LYPD6B: variants seen among roughly 807,000 people sequenced by gnomAD.
LYPD6B encodes the protein ly6/PLAUR domain-containing protein 6B.
LYPD6B carries 17 observed loss-of-function variants against 22.8 expected under a neutral mutation model. The ratio of observed to expected loss-of-function variants is 0.75; its 90% CI spans 0.51 to 1.12. LYPD6B has a LOEUF of 1.12. LYPD6B is among the 50% of genes most tolerant of loss of function. The pLI, the probability that LYPD6B is intolerant of heterozygous loss-of-function variation, is 0.00. For synonymous variants in LYPD6B, 106 were observed against 91.6 expected, an observed-to-expected ratio of 1.16 and a Z score of -0.90; for missense variants, 221 against 258.3, an observed-to-expected ratio of 0.86 and a Z score of 0.99.
intron 3 of LYPD6B, chr2:149,187,478 G>A (rs1218376472): frequency 1.3e-6 from 2 of 1,518,462 alleles, no homozygotes; most frequent in Non-Finnish European, 1.8e-6. Flanking sequence ...ACCAAACAAA[G>A]GAAATGCAGA....
rs563680142 is a variant in LYPD6B at position 149,212,242 on chromosome 2, C to T, written c.329-750C>T. On this transcript the variant is annotated intron_variant, in intron 5 of 6. Coordinates refer to ENST00000409642, the MANE Select transcript of LYPD6B (RefSeq NM_177964.5). The stretch of plus-strand genomic sequence containing the variant: ...AATCAAAAAAAAAAAATTAGCCAGG[C>T]GTGGTGGCGGGTGCCTGTAGTCCCA... Among the ~76,000 whole-genome samples the T allele has an allele frequency of 2.7e-3, 413 of 150,956 alleles. 3 individuals are homozygous for T. The highest frequency in any genetic ancestry group is 9.8e-3 in the African/African-American group (402 of 41,172).
intron 1 of LYPD6B, among the ~76,000 whole-genome samples, chr2:149,125,802 T>C (rs949387133): frequency 1.3e-5 from 2 of 152,218 alleles, no homozygotes; most frequent in Admixed American, 1.3e-4. Flanking sequence ...TACCTACCTA[T>C]ATACCAACTT....
intron 1 of LYPD6B, among the ~76,000 whole-genome samples, chr2:149,057,070 A>G (rs924798135): frequency 2.0e-5 from 3 of 152,234 alleles, no homozygotes; most frequent in Non-Finnish European, 4.4e-5. Flanking sequence ...GAGTGAAAGT[A>G]AAGCAATTAC....
chr2:149,091,194 A>G (rs1221188830), intron 1 of LYPD6B, among the ~76,000 whole-genome samples: 1 of 151,980 alleles, frequency 6.6e-6, no homozygotes, highest in Non-Finnish European at 1.5e-5. Context: ...TGTTTATTCT[A>G]TTTTGTTGCT....
In LYPD6B at chr2:149,208,209, T is replaced by C. The variant is rs1057146629; in HGVS notation, c.230-105T>C. ...CAGTAATTGTAAGGATGAAAGCTTA[T>C]AAGTTTTGTTTCATCTGTTAAAGTT... On this transcript the variant is annotated intron_variant, in intron 4 of 6. Transcript: ENST00000409642. 5.5e-6 allele frequency: 4 copies of C among 725,146 alleles called. No homozygotes were observed. The African/African-American group carries it at 7.0e-5, about 13-fold the overall frequency. 44.9% of individuals were successfully genotyped at this position (725,146 alleles called of 1,614,324 possible). A position where few individuals can be genotyped will look rare whatever the true frequency, so the allele number is the denominator to read the frequency against.
chr2:149,137,166 T>C (rs1166910026), intron 2 of LYPD6B, among the ~76,000 whole-genome samples: 3 of 152,332 alleles, frequency 2.0e-5, no homozygotes, highest in Admixed American at 1.3e-4. Context: ...TGAACTCTTA[T>C]AGTAATCCTG....
Position 149,214,670 on chromosome 2 carries a change from T to A in LYPD6B, c.584T>A (p.Leu195Gln), listed in dbSNP as rs1200980149. The change falls in exon 7 of 7, where the codon CTA (leucine) becomes CAA (glutamine). Residue 195 changes from leucine to glutamine, a missense_variant. Transcript: ENST00000409642. Reference sequence around the variant, plus strand: ...GGCAGCAGTGCCCCCACACTCTACCTACCAGTGCTTGCCTGGGTCTTTGTG... The same window carrying A: ...GGCAGCAGTGCCCCCACACTCTACCAACCAGTGCTTGCCTGGGTCTTTGTG... ...TSGSSAPTLYLPVLAWVFVLP... is the reference protein window; with the variant it reads ...TSGSSAPTLYQPVLAWVFVLP... The A allele has an allele frequency of 4.3e-6, 7 of 1,614,012 alleles. No homozygotes were observed. The highest frequency in any genetic ancestry group is 3.3e-4 in the Middle Eastern group (2 of 6,062).
chr2:149,151,814 G>T (rs1689396374), intron 2 of LYPD6B, among the ~76,000 whole-genome samples: 1 of 152,160 alleles, frequency 6.6e-6, no homozygotes, highest in African/African-American at 2.4e-5. Flanking sequence ...ATCTGAAAAT[G>T]CAGATGAGGC....
intron 3 of LYPD6B, among the ~76,000 whole-genome samples, chr2:149,181,495 T>A: frequency 6.6e-6 from 1 of 152,154 alleles, no homozygotes. Context: ...CACTCTCTGC[T>A]GGATTCCAGA....
intron 1 of LYPD6B, among the ~76,000 whole-genome samples, chr2:149,127,817 C>A (rs1687786858): frequency 6.6e-6 from 1 of 152,102 alleles, no homozygotes; most frequent in Non-Finnish European, 1.5e-5. Context: ...TAACTTGGGC[C>A]TAAGTGTCAA....
intron 3 of LYPD6B, among the ~76,000 whole-genome samples, chr2:149,191,502 G>A (rs1446576635): frequency 1.2e-4 from 19 of 152,072 alleles, no homozygotes; most frequent in Admixed American, 1.2e-3. Context: ...ATGTATTTGA[G>A]TCTATGTCTG....
At chr2:149,152,112 A>C (rs75513215) in intron 2 of LYPD6B, among the ~76,000 whole-genome samples, 288 of 152,286 alleles carry the variant, frequency 1.9e-3, no homozygotes, top group African/African-American at 6.7e-3. Context: ...TGTGCTGCCT[A>C]CAGAATTTCT....
chr2:149,120,287 A>G (rs950639101), intron 1 of LYPD6B, among the ~76,000 whole-genome samples: 2 of 133,796 alleles, frequency 1.5e-5, no homozygotes, highest in East Asian at 5.6e-4. Context: ...AGGGACATGC[A>G]TGTATATACA....
rs530386532 is a variant in LYPD6B, at chr2:149,110,642, A to T, written c.-66-20241A>T. ...TCTGACTACTGAAAATGACAACCTT[A>T]CTTATTATGTAATTCCATTTTAATG... On this transcript the variant is annotated intron_variant, in intron 1 of 6. Transcript: ENST00000409642. Among the ~76,000 whole-genome samples, 5 of 152,308 alleles carry T rather than the reference A, an allele frequency of 3.3e-5. No homozygotes were observed. The East Asian group carries it at 9.7e-4, about 29-fold the overall frequency.
chr2:149,058,986 G>A (rs982062339), intron 1 of LYPD6B, among the ~76,000 whole-genome samples: 2 of 152,210 alleles, frequency 1.3e-5, no homozygotes, highest in East Asian at 3.9e-4. Context: ...TCTCTTGTAA[G>A]AGGCCTGGAG....
chr2:149,060,522 C>T (rs1322938868), intron 1 of LYPD6B, among the ~76,000 whole-genome samples: 1 of 152,092 alleles, frequency 6.6e-6, no homozygotes, highest in Non-Finnish European at 1.5e-5. Context: ...TACTGTAAAA[C>T]ACAGTGGCTT....
At chr2:149,162,194 T>TAACCATCTCTATC (rs1487202320) in intron 3 of LYPD6B, among the ~76,000 whole-genome samples, 5 of 152,162 alleles carry the variant, frequency 3.3e-5, no homozygotes, top group Non-Finnish European at 7.3e-5. Context: ...GTAACTCTAT[T>TAACCATCTCTATC]ATTAACCATC....
intron 1 of LYPD6B, among the ~76,000 whole-genome samples, chr2:149,085,065 C>T (rs904253152): frequency 2.0e-5 from 3 of 152,232 alleles, no homozygotes; most frequent in Non-Finnish European, 4.4e-5. Flanking sequence ...GCCAGCATCT[C>T]ACGCTCTCTG....
chr2:149,080,194 T>C (rs1342102113), intron 1 of LYPD6B, among the ~76,000 whole-genome samples: 1 of 152,186 alleles, frequency 6.6e-6, no homozygotes, highest in Non-Finnish European at 1.5e-5. Context: ...GTTCCAGGCC[T>C]CTCTCCTGGC....
Sources: allele counts gnomAD v4.1 joint callset (sites outside exome capture counted in the v4.1 genomes callset), GRCh38; gene constraint gnomAD v4.1.1; transcripts MANE v1.5; gene names NCBI Gene and HGNC (gene_info 2026-07-23, HGNC 2026-07-21).